The following C12orf56 variants were observed in gnomAD, a reference collection of about 807,000 sequenced individuals.
C12orf56 encodes uncharacterized protein C12orf56.
C12orf56 carries 71 observed loss-of-function variants against 69.9 expected under a neutral mutation model. The observed-to-expected ratio is 1.02, with a 90% CI of 0.84 to 1.24. The LOEUF (loss-of-function observed/expected upper bound fraction) is 1.24. Ranked by LOEUF, C12orf56 falls within the 50% of genes most tolerant of loss-of-function variation. C12orf56 has a pLI of 0.00. For missense variants in C12orf56, 732 were observed against 738.5 expected (o/e 0.99, Z 0.10); for synonymous variants, 276 against 274.1 (o/e 1.01, Z -0.07).
intron 8 of C12orf56, among the ~76,000 whole-genome samples, chr12:64,280,608 G>A (rs964985093): frequency 6.6e-6 from 1 of 152,176 alleles, no homozygotes; most frequent in African/African-American, 2.4e-5. Flanking sequence ...AAGGGATTCT[G>A]AGAATATAAT....
At chr12:64,293,595 GCACATAA>G (rs1024145717) in intron 6 of C12orf56, among the ~76,000 whole-genome samples, 39 of 152,296 alleles carry the variant, frequency 2.6e-4, no homozygotes, top group African/African-American at 7.0e-4. Flanking sequence ...ACAGTGCTTA[GCACATAA>G]CACATAGCAC....
chr12:64,287,266 AG>A (rs1267624614), intron 6 of C12orf56, among the ~76,000 whole-genome samples: 1 of 146,538 alleles, frequency 6.8e-6, no homozygotes, highest in Non-Finnish European at 1.5e-5. Context: ...AAAAAAAAGA[AG>A]AAGAAGAAGA....
intron 2 of C12orf56, among the ~76,000 whole-genome samples, chr12:64,342,953 G>C (rs1482289895): frequency 1.3e-5 from 2 of 152,228 alleles, no homozygotes; most frequent in Non-Finnish European, 2.9e-5. Context: ...AGAGCAGCTT[G>C]CACAGCAGCC....
Position 64,355,042 on chromosome 12 carries a change from C to T in C12orf56, c.253-1986G>A, listed in dbSNP as rs1164368811. Among the ~76,000 whole-genome samples, 8 of 141,394 alleles carry T rather than the reference C, an allele frequency of 5.7e-5. No individual in the cohort carries two copies. In the East Asian group the frequency reaches 6.3e-4, roughly 11 times the overall value. The allele number at this position is 141,394 out of a possible 152,430, so 92.8% of individuals were successfully genotyped here. ...GCAGTCAGCTGAGATTGCACCACTG[C>T]GCTCCAGCCTGGGGAACAAAGTGAG... On this transcript the variant is annotated intron_variant, in intron 1 of 12. Coordinates refer to ENST00000543942, the MANE Select transcript of C12orf56 (RefSeq NM_001170633.2).
chr12:64,344,093 C>T (rs1023469037), intron 2 of C12orf56, among the ~76,000 whole-genome samples: 21 of 152,176 alleles, frequency 1.4e-4, no homozygotes, highest in African/African-American at 5.1e-4. Flanking sequence ...GAATCAATGT[C>T]AGCTCAGAGC....
chr12:64,331,787 C>A (rs2038933237), intron 2 of C12orf56, among the ~76,000 whole-genome samples: 1 of 152,070 alleles, frequency 6.6e-6, no homozygotes, highest in Non-Finnish European at 1.5e-5. Context: ...CTGTGAGAAA[C>A]AAATTTCTGT....
chr12:64,324,451 G>A (rs546931458), intron 3 of C12orf56, among the ~76,000 whole-genome samples: 1 of 152,374 alleles, frequency 6.6e-6, no homozygotes, highest in East Asian at 1.9e-4. Context: ...TCTCTGGGAT[G>A]AGGACATTTA....
At chr12:64,358,482 A>AATAATCATCATC (rs11275269) in intron 1 of C12orf56, among the ~76,000 whole-genome samples, 12 of 125,940 alleles carry the variant, frequency 9.5e-5, no homozygotes, top group African/African-American at 2.4e-4. Flanking sequence ...TAATAATAAT[A>AATAATCATCATC]ATCATCATCA....
intron 5 of C12orf56, among the ~76,000 whole-genome samples, chr12:64,310,802 T>C (rs1305254009): frequency 1.3e-5 from 2 of 152,082 alleles, no homozygotes; most frequent in Admixed American, 6.6e-5. Flanking sequence ...ATGTGCCATG[T>C]TGGTGTGCTG....
chr12:64,296,490 G>C (rs908033394), intron 6 of C12orf56, among the ~76,000 whole-genome samples: 6 of 152,122 alleles, frequency 3.9e-5, no homozygotes, highest in African/African-American at 1.4e-4. Flanking sequence ...TGATTTACAG[G>C]CTGACAACTG....
rs1249440682 is a variant in C12orf56 at position 64,380,136 on chromosome 12, AAAACAAAC to A, written c.252+10170_252+10177del. ...AAAAAAAAAAAAAAAAAAAAAAAACAAAACAAACAAAAAAAAACGCACAATGCAGCTAA... is the reference window on the plus strand; with the variant it reads ...AAAAAAAAAAAAAAAAAAAAAAAACAAAAAAAAAACGCACAATGCAGCTAA... On this transcript the variant is annotated intron_variant, in intron 1 of 12. Coordinates refer to ENST00000543942, the MANE Select transcript of C12orf56 (RefSeq NM_001170633.2). Among the ~76,000 whole-genome samples, 127 of 37,054 alleles carry A rather than the reference AAAACAAAC, an allele frequency of 3.4e-3. 3 individuals are homozygous for A. Among genetic ancestry groups the A allele is most frequent in the Admixed American group, 0.015 (49 of 3,282 alleles). The allele number at this position is 37,054 out of a possible 152,430, so 24.3% of individuals were successfully genotyped here. A position where few individuals can be genotyped will look rare whatever the true frequency, so the allele number is the denominator to read the frequency against.
chr12:64,315,210 C>G (rs1217829228), intron 4 of C12orf56, among the ~76,000 whole-genome samples: 1 of 151,934 alleles, frequency 6.6e-6, no homozygotes, highest in Non-Finnish European at 1.5e-5. Context: ...CCTCAGCCAC[C>G]CAACCTGTCT....
At chr12:64,378,124 T>C (rs1172210488) in intron 1 of C12orf56, among the ~76,000 whole-genome samples, 1 of 152,240 alleles carries the variant, frequency 6.6e-6, no homozygotes, top group Non-Finnish European at 1.5e-5. Context: ...TCAATAAATG[T>C]CAACTATTTG....
intron 6 of C12orf56, among the ~76,000 whole-genome samples, chr12:64,287,810 C>T (rs1297541462): frequency 0.063 from 538 of 8,558 alleles, 149 homozygotes; most frequent in Non-Finnish European, 0.1. Context: ...AATAAACATA[C>T]GTGTGCATGT....
At chr12:64,327,441 ATATG>A (rs1030430759) in intron 3 of C12orf56, among the ~76,000 whole-genome samples, 8 of 152,240 alleles carry the variant, frequency 5.3e-5, no homozygotes, top group African/African-American at 1.9e-4. Flanking sequence ...CACGTCCTGC[ATATG>A]TATCTCAGAA....
intron 2 of C12orf56, among the ~76,000 whole-genome samples, chr12:64,349,255 A>C (rs1395047047): frequency 6.6e-6 from 1 of 152,256 alleles, no homozygotes; most frequent in African/African-American, 2.4e-5. Context: ...ATGGCCAACA[A>C]ACATATGAAA....
intron 1 of C12orf56, among the ~76,000 whole-genome samples, chr12:64,353,661 C>T (rs996023554): frequency 2.0e-5 from 3 of 152,244 alleles, no homozygotes; most frequent in East Asian, 3.9e-4. Context: ...AAGTACATCC[C>T]TCTCCACTTC....
At chr12:64,279,355 C>G (rs2038094827) in intron 8 of C12orf56, among the ~76,000 whole-genome samples, 1 of 152,184 alleles carries the variant, frequency 6.6e-6, no homozygotes, top group Admixed American at 6.5e-5. Context: ...AACGCTATCT[C>G]CTCCTATTGG....
intron 1 of C12orf56, among the ~76,000 whole-genome samples, chr12:64,386,586 G>A (rs2039794309): frequency 6.6e-6 from 1 of 151,960 alleles, no homozygotes; most frequent in Non-Finnish European, 1.5e-5. Flanking sequence ...AGTAGAGACG[G>A]GGTGTCTCCA....
Sources: allele counts gnomAD v4.1 joint callset (sites outside exome capture counted in the v4.1 genomes callset), GRCh38; gene constraint gnomAD v4.1.1; transcripts MANE v1.5; gene names NCBI Gene and HGNC (gene_info 2026-07-23, HGNC 2026-07-21).